Variants in ADAMTS8 observed in about 807,000 individuals in gnomAD.
ADAMTS8 encodes the protein A disintegrin and metalloproteinase with thrombospondin motifs 8.
ADAMTS8 carries 50 observed loss-of-function variants against 64.4 expected under a neutral mutation model. The ratio of observed to expected loss-of-function variants is 0.78; its 90% CI spans 0.62 to 0.98. ADAMTS8 has a LOEUF of 0.98. Ranked by LOEUF, ADAMTS8 falls within the 50% of genes least tolerant of loss-of-function variation. ADAMTS8 has a pLI of 0.00. For missense variants in ADAMTS8, 1,192 were observed against 1,208.2 expected (o/e 0.99, Z 0.20); for synonymous variants, 556 against 533.6 (o/e 1.04, Z -0.58).
intron 5 of ADAMTS8, among the ~76,000 whole-genome samples, chr11:130,413,286 C>G (rs1331601081): frequency 1.3e-5 from 2 of 152,246 alleles, no homozygotes; most frequent in Non-Finnish European, 2.9e-5. Flanking sequence ...GTGGCAGATC[C>G]CTCTGCTCTC....
rs759982216 is a variant in ADAMTS8, at chr11:130,411,464, C to T, written c.1703G>A (p.Arg568Gln). 83 of 1,614,056 alleles carry T rather than the reference C, an allele frequency of 5.1e-5. No individual in the cohort carries two copies. Among genetic ancestry groups the T allele is most frequent in the East Asian group, 1.6e-4 (7 of 44,888 alleles). Residue 568 changes from arginine to glutamine, a missense_variant, in exon 6 of 9, where the codon CGG becomes CAG. Arg to Gln is a conservative substitution (Grantham distance 43). This residue lies in a region of ADAMTS8 where 290 missense variants were observed against 297.8 expected (regional missense o/e 0.97). Transcript: ENST00000257359. The surrounding 1 kb of genome is among the most constrained non-coding windows in gnomAD (Gnocchi z 4.2). ...PQNGGRYCLG[R>Q]RAKYQSCHTE... ...GTGGCATGACTGGTACTTGGCTCTCCGACCCAGGCAGTATCTTCCTCCATT... is the reference window on the plus strand; with the variant it reads ...GTGGCATGACTGGTACTTGGCTCTCTGACCCAGGCAGTATCTTCCTCCATT...
In ADAMTS8 at chr11:130,408,865, T is replaced by C; in HGVS notation, c.1826A>G (p.Gln609Arg). The C allele has an allele frequency of 1.2e-6, 2 of 1,612,072 alleles. No homozygotes were observed. Among genetic ancestry groups the C allele is most frequent in the Non-Finnish European group, 1.7e-6 (2 of 1,179,186 alleles). ...CACCCCAGCATACTTGGGGACCCAC[T>C]GCAGGAGATTCCCGTCCATGTCAGT... ...NYTDMDGNLL[Q>R]WVPKYAGVSP... Residue 609 changes from glutamine to arginine, a missense_variant, in exon 7 of 9, where the codon CAG (glutamine) becomes CGG (arginine). By Grantham distance (43) the Gln-to-Arg change is conservative. Coordinates refer to ENST00000257359, the MANE Select transcript of ADAMTS8 (RefSeq NM_007037.6).
chr11:130,415,630 A>C (rs1355883173), intron 4 of ADAMTS8, among the ~76,000 whole-genome samples: 2 of 137,676 alleles, frequency 1.5e-5, no homozygotes, highest in African/African-American at 5.5e-5. Context: ...TTTTAAAGAG[A>C]TAGCGTCTCT....
In ADAMTS8 at chr11:130,417,083, G is replaced by T. The variant is rs1862036574; in HGVS notation, c.961-8C>A. On this transcript the variant is annotated splice_polypyrimidine_tract_variant and splice_region_variant and intron_variant, in intron 2 of 8. Coordinates refer to ENST00000257359, the MANE Select transcript of ADAMTS8 (RefSeq NM_007037.6). ...CTCCTGCCCACAGAAGTTCTGCGTG[G>T]CGGGGAGAGAGCAAGAGAGTGCATC... The T allele has an allele frequency of 6.2e-7, 1 of 1,613,686 alleles. No homozygotes were observed. Among genetic ancestry groups the T allele is most frequent in the Non-Finnish European group, 8.5e-7 (1 of 1,179,952 alleles).
rs371562238 is a variant in ADAMTS8 at position 130,408,826 on chromosome 11, C to G, written c.1865G>C (p.Arg622Pro). Residue 622 changes from arginine (R) to proline (P), a missense_variant, in exon 7 of 9, where the codon CGC becomes CCC. Coordinates refer to ENST00000257359, the MANE Select transcript of ADAMTS8 (RefSeq NM_007037.6). Reference sequence around the variant, plus strand: ...CCGGGCTCGGCAGAACAACTTGCAGCGGTCCCGGGGGGACACCCCAGCATA... The same window carrying G: ...CCGGGCTCGGCAGAACAACTTGCAGGGGTCCCGGGGGGACACCCCAGCATA... Reference protein sequence around the residue: ...PKYAGVSPRDRCKLFCRARGR... With the variant: ...PKYAGVSPRDPCKLFCRARGR... The G allele has an allele frequency of 1.2e-6, 2 of 1,613,880 alleles. No homozygotes were observed. The highest frequency in any genetic ancestry group is 1.7e-6 in the Non-Finnish European group (2 of 1,179,996).
At chr11:130,425,881 T>A (rs2003210) in intron 1 of ADAMTS8, among the ~76,000 whole-genome samples, 2 of 152,096 alleles carry the variant, frequency 1.3e-5, no homozygotes, top group East Asian at 1.9e-4. Flanking sequence ...GATTACAGGC[T>A]TGAGCCACCG....
At chr11:130,418,315 A>G (rs1862054527) in intron 2 of ADAMTS8, among the ~76,000 whole-genome samples, 1 of 152,186 alleles carries the variant, frequency 6.6e-6, no homozygotes, top group Admixed American at 6.6e-5. Flanking sequence ...AGCCTGTTCT[A>G]TGTTACAGGC....
chr11:130,410,120 C>A (rs1213773263), intron 6 of ADAMTS8, among the ~76,000 whole-genome samples: 1 of 152,204 alleles, frequency 6.6e-6, no homozygotes, highest in Non-Finnish European at 1.5e-5. Flanking sequence ...CCATCTCAGT[C>A]CTCCAGACTC....
At position 130,405,149 on chromosome 11, in the gene ADAMTS8, C is replaced by T. The variant is rs1861859809; in HGVS notation, c.*409G>A. 1 of 999,244 alleles carries T rather than the reference C, an allele frequency of 1.0e-6. No homozygotes were observed. The highest frequency in any genetic ancestry group is 1.2e-6 in the Non-Finnish European group (1 of 838,842). The allele number at this position is 999,244 out of a possible 1,614,324, so 61.9% of individuals were successfully genotyped here. A position where few individuals can be genotyped will look rare whatever the true frequency, so the allele number is the denominator to read the frequency against. On this transcript the variant is annotated 3_prime_UTR_variant, in exon 9 of 9. Coordinates refer to ENST00000257359, the MANE Select transcript of ADAMTS8 (RefSeq NM_007037.6). ...GACATTCACCATTGACTCCCTGCCC[C>T]ACGCCTCTCTTGTACTAATTTTTTC...
intron 5 of ADAMTS8, chr11:130,412,087 T>C (rs1861959539): frequency 6.2e-6 from 1 of 160,652 alleles, no homozygotes; most frequent in South Asian, 1.8e-4. Context: ...GTAACAATTA[T>C]CCAGTCCTAA....
Position 130,427,956 on chromosome 11 carries a change from C to G in ADAMTS8, c.331G>C (p.Glu111Gln), listed in dbSNP as rs1466428323. Residue 111 changes from glutamate (E) to glutamine (Q), a missense_variant, in exon 1 of 9, where the codon GAG becomes CAG. Glu to Gln is a conservative substitution (Grantham distance 29). Transcript: ENST00000257359. ...CACAGGCTGACCGCCGCCAGCGACTCGGGCTCCCCATTCACGGTGCCGGAG... is the reference window on the plus strand; with the variant it reads ...CACAGGCTGACCGCCGCCAGCGACTGGGGCTCCCCATTCACGGTGCCGGAG... ...FFSGTVNGEP[E>Q]SLAAVSLCRG... 1.3e-6 allele frequency: 2 copies of G among 1,531,962 alleles called. No individual in the cohort carries two copies. The highest frequency in any genetic ancestry group is 2.4e-5 in the South Asian group (2 of 83,896). The allele number at this position is 1,531,962 out of a possible 1,614,324, so 94.9% of individuals were successfully genotyped here.
intron 1 of ADAMTS8, among the ~76,000 whole-genome samples, chr11:130,423,592 G>C (rs1862127016): frequency 6.6e-6 from 1 of 152,220 alleles, no homozygotes; most frequent in Non-Finnish European, 1.5e-5. Flanking sequence ...AGATGGCTGT[G>C]ACAGCCGTCC....
At chr11:130,422,175 C>T (rs535528406) in intron 1 of ADAMTS8, among the ~76,000 whole-genome samples, 55 of 152,234 alleles carry the variant, frequency 3.6e-4, no homozygotes, top group African/African-American at 1.3e-3. Flanking sequence ...CAGGGTGGCT[C>T]ATGTCTGTAA....
In ADAMTS8 at chr11:130,408,541, C is replaced by T; in HGVS notation, c.2022G>A (p.Arg674=). 2 of 1,614,176 alleles carry T rather than the reference C, an allele frequency of 1.2e-6. No individual in the cohort carries two copies. Among genetic ancestry groups the T allele is most frequent in the Non-Finnish European group, 1.7e-6 (2 of 1,180,034 alleles). Residue 674 remains arginine (R), a synonymous_variant, in exon 8 of 9, where the codon CGG becomes CGA. Coordinates refer to ENST00000257359, the MANE Select transcript of ADAMTS8 (RefSeq NM_007037.6). ...AGCDHVVDSP[R]KLDKCGVCGG... is the part of the protein sequence containing the mutation. Reference sequence around the variant, plus strand: ...CACACACCCCGCATTTGTCCAGCTTCCGAGGCGAGTCCACCACATGGTCAC... The same window carrying T: ...CACACACCCCGCATTTGTCCAGCTTTCGAGGCGAGTCCACCACATGGTCAC...
Position 130,428,077 on chromosome 11 carries a change from G to C in ADAMTS8, c.210C>G (p.Pro70=). The part of the protein sequence containing the change: ...FGKGFVLRLA[P]DDSFLAPEFK... The stretch of plus-strand genomic sequence containing the variant: ...ACTCGGGCGCTAGGAAGCTGTCGTC[G>C]GGCGCCAGGCGCAGCACGAAGCCCT... Residue 70 remains proline, a synonymous_variant, in exon 1 of 9, where the codon CCC becomes CCG. Transcript: ENST00000257359. 1.3e-6 allele frequency: 2 copies of C among 1,537,878 alleles called. No individual in the cohort carries two copies. Among genetic ancestry groups the C allele is most frequent in the Non-Finnish European group, 1.7e-6 (2 of 1,151,254 alleles).
chr11:130,418,926 G>C (rs1565378595), intron 2 of ADAMTS8, 127 bp downstream of exon 2: 1 of 1,454,260 alleles, frequency 6.9e-7, no homozygotes, highest in Non-Finnish European at 9.3e-7. Flanking sequence ...CTGGGCATGA[G>C]GCTCTGGCGT....
At chr11:130,409,352 C>G (rs1330287510) in intron 6 of ADAMTS8, among the ~76,000 whole-genome samples, 1 of 152,168 alleles carries the variant, frequency 6.6e-6, no homozygotes, top group East Asian at 1.9e-4. Context: ...TCCAAAGACT[C>G]CTAAATCTAC....
chr11:130,417,008 G>A lies in ADAMTS8; in HGVS notation c.1028C>T (p.Pro343Leu). Residue 343 changes from proline to leucine, a missense_variant, in exon 3 of 9, where the codon CCC becomes CTC. By Grantham distance (98) the Pro-to-Leu change is moderately conservative. Around this residue, in one of 5 missense-constraint regions of ADAMTS8, gnomAD observed 741 missense variants for 710.6 expected, o/e 1.04. Transcript: ENST00000257359. The stretch of plus-strand genomic sequence containing the variant: ...CTCGATCACGGAGCAGCTTTTGTTG[G>A]GGTCACAAATGGTCCCGATGTCTGC... ...GVADIGTICD[P>L]NKSCSVIEDE... 6.2e-7 allele frequency: 1 copy of A among 1,614,058 alleles called. No homozygotes were observed. Among genetic ancestry groups the A allele is most frequent in the South Asian group, 1.1e-5 (1 of 91,084 alleles).
In ADAMTS8 at chr11:130,416,172, C is replaced by A; in HGVS notation, c.1255G>T (p.Gly419Cys). ...GGCCGCCGGTGCCTACCGTGCCCGC[C>A]GTCCAGAAGCTCTGTGAGATACATG... is the stretch of plus-strand genomic sequence containing the variant. ...SAMYLTELLDGGHGDCLLDAP... is the reference protein window; with the variant it reads ...SAMYLTELLDCGHGDCLLDAP... The change falls in exon 4 of 9, where the codon GGC becomes TGC. Residue 419 changes from glycine (G) to cysteine (C), a missense_variant. Transcript: ENST00000257359. This position sits in a 1 kb window ranked among gnomAD's most constrained non-coding sequence, Gnocchi z 4.8. 1 of 1,581,998 alleles carries A rather than the reference C, an allele frequency of 6.3e-7. No homozygotes were observed. The highest frequency in any genetic ancestry group is 8.6e-7 in the Non-Finnish European group (1 of 1,162,192).
Sources: gnomAD v4.1 joint callset for allele counts (sites outside exome capture counted in the v4.1 genomes callset) on GRCh38, gnomAD v4.1.1 for gene constraint, gnomAD v4.1.1 regional missense constraint, Gnocchi (gnomAD v3.1) non-coding constraint, MANE v1.5 for transcripts, NCBI Gene and HGNC (gene_info 2026-07-23, HGNC 2026-07-21) for gene names.